DIS3L2: variants seen among roughly 807,000 people sequenced by gnomAD.
The protein encoded by DIS3L2 is DIS3 like 3'-5' exoribonuclease 2.
In DIS3L2, 34 loss-of-function variants were observed where a neutral mutation model predicts 97.5. The observed-to-expected ratio is 0.35, with a 90% CI of 0.27 to 0.46. The LOEUF (loss-of-function observed/expected upper bound fraction) is 0.46. Ranked by LOEUF, DIS3L2 falls within the 20% of genes least tolerant of loss-of-function variation. The probability of loss-of-function intolerance (pLI) is 1.00; values close to 1 mark genes in which losing one functional copy is unlikely to be tolerated. For missense variants in DIS3L2, 1,038 were observed against 1,146.0 expected (o/e 0.91, Z 1.36); for synonymous variants, 435 against 445.2 (o/e 0.98, Z 0.29).
intron 5 of DIS3L2, among the ~76,000 whole-genome samples, chr2:232,086,660 T>TGTGTGTGG: frequency 8.8e-5 from 1 of 11,354 alleles, no homozygotes; most frequent in South Asian, 1.2e-3. Context: ...TATATATATA[T>TGTGTGTGG]GTGTGTGTGT....
intron 8 of DIS3L2, among the ~76,000 whole-genome samples, chr2:232,137,161 T>A (rs1433041093): frequency 6.6e-6 from 1 of 152,198 alleles, no homozygotes; most frequent in Non-Finnish European, 1.5e-5. Flanking sequence ...GGCATTCTTT[T>A]TCGGTATTGA....
intron 1 of DIS3L2, among the ~76,000 whole-genome samples, chr2:231,997,777 C>G (rs1159405913): frequency 1.3e-5 from 2 of 152,178 alleles, no homozygotes; most frequent in Non-Finnish European, 2.9e-5. Context: ...TAGTATCCCT[C>G]CCCACTTATC....
chr2:232,009,852 G>A (rs561641986), intron 1 of DIS3L2, among the ~76,000 whole-genome samples: 1 of 152,306 alleles, frequency 6.6e-6, no homozygotes, highest in South Asian at 2.1e-4. Context: ...TGCTTGCGCT[G>A]ACTGGCATTG....
intron 6 of DIS3L2, among the ~76,000 whole-genome samples, chr2:232,115,713 G>A (rs544406036): frequency 2.6e-5 from 4 of 152,210 alleles, no homozygotes; most frequent in African/African-American, 7.2e-5. Context: ...TTCCTCTGTC[G>A]CTCTTCTCTC....
intron 13 of DIS3L2, among the ~76,000 whole-genome samples, chr2:232,279,341 G>GT (rs1377027692): frequency 1.2e-4 from 18 of 152,176 alleles, no homozygotes; most frequent in African/African-American, 4.1e-4. Flanking sequence ...TTTCATTGTG[G>GT]TTTTAATTTG....
Position 232,304,077 on chromosome 2 carries a change from C to A in DIS3L2, c.1739+3958C>A, listed in dbSNP as rs989017154. On this transcript the variant is annotated intron_variant, in intron 14 of 20. Coordinates refer to ENST00000325385, the MANE Select transcript of DIS3L2 (RefSeq NM_152383.5). The stretch of plus-strand genomic sequence containing the variant: ...CACCCTGAATTATTCTGTCAGCCTC[C>A]CAAAAGCTGCTCCAGTCTGCATCTG... Among the ~76,000 whole-genome samples the A allele has an allele frequency of 4.9e-4, 75 of 152,046 alleles. 1 individual carries two copies. The highest frequency in any genetic ancestry group is 4.6e-4 in the Non-Finnish European group (31 of 67,994).
At chr2:232,239,277 T>A (rs769241547) in intron 11 of DIS3L2, among the ~76,000 whole-genome samples, 3 of 152,214 alleles carry the variant, frequency 2.0e-5, no homozygotes, top group Non-Finnish European at 4.4e-5. Context: ...CCATTCTGTG[T>A]ACTTGGACCT....
At chr2:232,098,217 C>G (rs949322510) in intron 6 of DIS3L2, among the ~76,000 whole-genome samples, 1 of 152,120 alleles carries the variant, frequency 6.6e-6, no homozygotes, top group African/African-American at 2.4e-5. Flanking sequence ...CAAAGCAAGG[C>G]GGAGGAACAA....
intron 9 of DIS3L2, among the ~76,000 whole-genome samples, chr2:232,203,899 C>T (rs1339165190): frequency 6.6e-6 from 1 of 152,142 alleles, no homozygotes; most frequent in East Asian, 1.9e-4. Context: ...AGGAACAGCA[C>T]AAACAACATT....
chr2:232,139,780 C>G (rs1299807914), intron 8 of DIS3L2, among the ~76,000 whole-genome samples: 1 of 152,036 alleles, frequency 6.6e-6, no homozygotes, highest in African/African-American at 2.4e-5. Context: ...AGGGACATGC[C>G]TAGTAGCAGG....
chr2:231,984,376 T>G (rs1693349400), intron 1 of DIS3L2, among the ~76,000 whole-genome samples: 1 of 150,656 alleles, frequency 6.6e-6, no homozygotes, highest in African/African-American at 2.4e-5. Context: ...CTGGGCTCAC[T>G]GCAACTTCTT....
chr2:232,248,107 T>C (rs1306292525), intron 11 of DIS3L2, among the ~76,000 whole-genome samples: 1 of 152,192 alleles, frequency 6.6e-6, no homozygotes, highest in Non-Finnish European at 1.5e-5. Context: ...ACCAAAGATA[T>C]TTACTGTACT....
intron 1 of DIS3L2, among the ~76,000 whole-genome samples, chr2:232,006,217 A>G (rs1460997151): frequency 6.6e-6 from 1 of 152,194 alleles, no homozygotes; most frequent in Admixed American, 6.5e-5. Context: ...AAGAAAAGGC[A>G]TTTTATAAAA....
chr2:232,218,602 G>T (rs1692411690), intron 10 of DIS3L2, among the ~76,000 whole-genome samples: 1 of 152,142 alleles, frequency 6.6e-6, no homozygotes, highest in African/African-American at 2.4e-5. Context: ...CAGGACAAGG[G>T]TCCCTCTGAG....
chr2:232,279,581 T>A (rs1357699567), intron 13 of DIS3L2, among the ~76,000 whole-genome samples: 1 of 152,018 alleles, frequency 6.6e-6, no homozygotes, highest in Non-Finnish European at 1.5e-5. Context: ...CAGGCTGGAG[T>A]TCAGTGGTGC....
intron 9 of DIS3L2, among the ~76,000 whole-genome samples, chr2:232,163,837 A>G (rs188804917): frequency 5.9e-5 from 9 of 152,350 alleles, no homozygotes; most frequent in Middle Eastern, 3.4e-3. Flanking sequence ...ATGAGCTAAG[A>G]ATGGTTTTTA....
chr2:231,992,909 A>G (rs1047094424), intron 1 of DIS3L2, among the ~76,000 whole-genome samples: 6 of 152,084 alleles, frequency 3.9e-5, no homozygotes, highest in African/African-American at 1.4e-4. Flanking sequence ...CTCCCTGGCT[A>G]TTGAACTTTG....
intron 1 of DIS3L2, among the ~76,000 whole-genome samples, chr2:231,987,681 C>T (rs541217846): frequency 6.6e-6 from 1 of 152,302 alleles, no homozygotes; most frequent in Non-Finnish European, 1.5e-5. Flanking sequence ...TCCCTGGAGT[C>T]TGTAGACTTT....
intron 10 of DIS3L2, among the ~76,000 whole-genome samples, chr2:232,214,707 G>T (rs1469437376): frequency 2.6e-5 from 4 of 152,204 alleles, no homozygotes; most frequent in Non-Finnish European, 5.9e-5. Flanking sequence ...TATTGGGCAG[G>T]ACTGGGTTCA....
Sources: allele counts gnomAD v4.1 joint callset (sites outside exome capture counted in the v4.1 genomes callset), GRCh38; gene constraint gnomAD v4.1.1; transcripts MANE v1.5; gene names NCBI Gene and HGNC (gene_info 2026-07-23, HGNC 2026-07-21).